Variants in AVEN observed in about 807,000 individuals in gnomAD.
AVEN encodes cell death regulator Aven.
AVEN carries 41 observed loss-of-function variants against 38.1 expected under a neutral mutation model. The observed-to-expected ratio is 1.08, with a 90% CI of 0.84 to 1.40. AVEN has a LOEUF of 1.40. AVEN is among the 40% of genes most tolerant of loss of function. AVEN has a pLI of 0.00. For missense variants in AVEN, 605 were observed against 438.8 expected (o/e 1.38, Z -3.38); for synonymous variants, 206 against 171.8 (o/e 1.20, Z -1.56).
chr15:33,872,177 T>C (rs540549875), intron 3 of AVEN, among the ~76,000 whole-genome samples: 2 of 152,286 alleles, frequency 1.3e-5, no homozygotes, highest in African/African-American at 4.8e-5. Flanking sequence ...GAGCCAGTCC[T>C]GACTGTAGGA....
chr15:33,906,665 A>C (rs187069016), intron 2 of AVEN, among the ~76,000 whole-genome samples: 1 of 152,342 alleles, frequency 6.6e-6, no homozygotes, highest in Admixed American at 6.5e-5. Context: ...TGCTTATATG[A>C]GTTACCTAGA....
intron 2 of AVEN, among the ~76,000 whole-genome samples, chr15:33,993,163 A>G (rs1035369978): frequency 6.6e-6 from 1 of 152,190 alleles, no homozygotes; most frequent in African/African-American, 2.4e-5. Context: ...GGGAAAAAAA[A>G]TGAAGGGCAG....
At chr15:33,890,040 G>GC (rs2153040208) in intron 2 of AVEN, among the ~76,000 whole-genome samples, 1 of 152,320 alleles carries the variant, frequency 6.6e-6, no homozygotes, top group East Asian at 1.9e-4. Context: ...TTCCCTCTCC[G>GC]ACGTGCCAAA....
upstream of AVEN, among the ~76,000 whole-genome samples, chr15:34,043,316 A>G (rs1274558842): frequency 6.6e-6 from 1 of 151,754 alleles, no homozygotes; most frequent in East Asian, 1.9e-4. Flanking sequence ...TTATGATAGG[A>G]CTTAGAAAAA....
At chr15:34,018,126 CTG>C (rs1898028491) in intron 1 of AVEN, 1 of 152,194 alleles carries the variant, frequency 6.6e-6, no homozygotes, top group Non-Finnish European at 1.5e-5. Context: ...AAAAAGCTAA[CTG>C]TAAGCCTCAA....
chr15:33,950,288 T>G (rs1326593558), intron 2 of AVEN, among the ~76,000 whole-genome samples: 1 of 152,196 alleles, frequency 6.6e-6, no homozygotes, highest in Non-Finnish European at 1.5e-5. Context: ...ACAAACAGCA[T>G]AGTGACTATA....
intron 2 of AVEN, among the ~76,000 whole-genome samples, chr15:33,994,482 G>A (rs541295673): frequency 5.3e-5 from 8 of 152,092 alleles, no homozygotes; most frequent in African/African-American, 9.7e-5. Context: ...AATGTAACAC[G>A]CTTGAATCAT....
chr15:33,958,899 A>G (rs1356080605), intron 2 of AVEN, among the ~76,000 whole-genome samples: 1 of 151,986 alleles, frequency 6.6e-6, no homozygotes, highest in Non-Finnish European at 1.5e-5. Flanking sequence ...GCTCCCCTCT[A>G]TCTAGAGCAT....
intron 1 of AVEN, among the ~76,000 whole-genome samples, chr15:34,036,115 A>T (rs1329780929): frequency 6.7e-6 from 1 of 149,064 alleles, no homozygotes; most frequent in African/African-American, 2.4e-5. Flanking sequence ...TTTTTTTTTT[A>T]AAGTTAATGA....
At chr15:33,938,843 T>G (rs1370067354) in intron 2 of AVEN, among the ~76,000 whole-genome samples, 3 of 152,134 alleles carry the variant, frequency 2.0e-5, no homozygotes, top group Admixed American at 1.3e-4. Context: ...CCTTTTTTTT[T>G]GTGGGGGATT....
Position 33,871,040 on chromosome 15 carries a change from T to C in AVEN, c.517-10A>G. On this transcript the variant is annotated splice_polypyrimidine_tract_variant and intron_variant, in intron 3 of 5. Transcript: ENST00000306730. ...CATAAAATGCTGAATTCTATATATATATATAAAAGAAAATAAAATATCAGG... is the reference window on the plus strand; with the variant it reads ...CATAAAATGCTGAATTCTATATATACATATAAAAGAAAATAAAATATCAGG... 1 of 1,398,560 alleles carries C rather than the reference T, an allele frequency of 7.2e-7. No homozygotes were observed. The highest frequency in any genetic ancestry group is 9.4e-7 in the Non-Finnish European group (1 of 1,062,574). The allele number at this position is 1,398,560 out of a possible 1,614,324, so 86.6% of individuals were successfully genotyped here.
intron 1 of AVEN, among the ~76,000 whole-genome samples, chr15:34,017,484 G>GTTTTTTTTTTTT (rs60119659): frequency 2.8e-5 from 3 of 107,344 alleles, no homozygotes; most frequent in African/African-American, 6.3e-5. Flanking sequence ...TTTTTTTTTT[G>GTTTTTTTTTTTT]TTTTTTTTTT....
chr15:34,054,965 G>A, intron 5 of AVEN, among the ~76,000 whole-genome samples: 1 of 152,324 alleles, frequency 6.6e-6, no homozygotes, highest in African/African-American at 2.4e-5. Context: ...GGCCAAGGCA[G>A]GCAGATCACC....
intron 5 of AVEN, chr15:34,062,554 C>A (rs369490430): frequency 2.0e-3 from 807 of 410,934 alleles, no homozygotes; most frequent in African/African-American, 0.01. Context: ...GATTCTGTCT[C>A]AAAAAAAAAA....
chr15:33,886,348 G>A (rs920768192), intron 2 of AVEN, among the ~76,000 whole-genome samples: 15 of 152,156 alleles, frequency 9.9e-5, no homozygotes, highest in African/African-American at 3.4e-4. Context: ...TGTCGCCCAG[G>A]CTGGAGTGTA....
downstream of AVEN, among the ~76,000 whole-genome samples, chr15:33,862,128 C>T (rs554938319): frequency 2.0e-5 from 3 of 152,162 alleles, no homozygotes; most frequent in East Asian, 1.9e-4. Context: ...TGTAACTGTT[C>T]ATTTACAAGA....
downstream of AVEN, among the ~76,000 whole-genome samples, chr15:33,861,393 C>G (rs1054708158): frequency 6.6e-6 from 1 of 152,132 alleles, no homozygotes; most frequent in South Asian, 2.1e-4. Context: ...GCCAGCCCCT[C>G]AACCTGTGAT....
At chr15:33,857,994 G>C, downstream of AVEN, 2 of 1,567,132 alleles carry the variant, frequency 1.3e-6, no homozygotes, top group Non-Finnish European at 1.7e-6. Context: ...AAGAAGGGCT[G>C]TGTGGGGGTG....
chr15:34,056,984 A>C (rs1900177240), intron 5 of AVEN, among the ~76,000 whole-genome samples: 1 of 152,148 alleles, frequency 6.6e-6, no homozygotes, highest in South Asian at 2.1e-4. Flanking sequence ...GGTTGCAGTG[A>C]ACTATGATCA....
Sources: allele counts gnomAD v4.1 joint callset (sites outside exome capture counted in the v4.1 genomes callset), GRCh38; gene constraint gnomAD v4.1.1; transcripts MANE v1.5; gene names NCBI Gene and HGNC (gene_info 2026-07-23, HGNC 2026-07-21).